Variants in PTPRK observed in about 807,000 individuals in gnomAD.
PTPRK encodes the protein protein tyrosine phosphatase receptor type K.
In PTPRK, 75 loss-of-function variants were observed where a neutral mutation model predicts 178.0. The observed-to-expected ratio is 0.42, with a 90% CI of 0.35 to 0.51. The LOEUF is 0.51. PTPRK is among the 20% of genes least tolerant of loss of function. The pLI, the probability that PTPRK is intolerant of heterozygous loss-of-function variation, is 0.02. For synonymous variants in PTPRK, 637 were observed against 620.6 expected (o/e 1.03, Z -0.39); for missense variants, 1,441 against 1,797.8 (o/e 0.80, Z 3.59).
At chr6:127,994,548 G>C (rs6899855) in intron 18 of PTPRK, among the ~76,000 whole-genome samples, 1,603 of 151,862 alleles carry the variant, frequency 0.011, 30 homozygotes, top group African/African-American at 0.036. Context: ...TACAGAGAGA[G>C]AAGTAACATT....
At chr6:128,059,434 G>A (rs998863804) in intron 13 of PTPRK, among the ~76,000 whole-genome samples, 18 of 152,198 alleles carry the variant, frequency 1.2e-4, no homozygotes, top group African/African-American at 4.1e-4. Context: ...TTTTGTTGCT[G>A]CTACACTATT....
intron 6 of PTPRK, among the ~76,000 whole-genome samples, chr6:128,197,904 T>C (rs79971620): frequency 0.028 from 4,337 of 152,212 alleles, 144 homozygotes; most frequent in African/African-American, 0.08. Flanking sequence ...ACAAGTATAG[T>C]GCAGAGAAAG....
intron 13 of PTPRK, among the ~76,000 whole-genome samples, chr6:128,039,742 A>AT (rs1776850025): frequency 6.6e-6 from 1 of 152,134 alleles, no homozygotes; most frequent in African/African-American, 2.4e-5. Context: ...GCCAATGTCT[A>AT]TTTTTATCCC....
intron 6 of PTPRK, among the ~76,000 whole-genome samples, chr6:128,214,400 T>G (rs1292548266): frequency 1.3e-5 from 2 of 152,124 alleles, no homozygotes; most frequent in African/African-American, 4.8e-5. Context: ...AAGTTGTACC[T>G]TCTCTTGACA....
intron 1 of PTPRK, among the ~76,000 whole-genome samples, chr6:128,419,235 C>T (rs1843177143): frequency 6.6e-6 from 1 of 152,170 alleles, no homozygotes; most frequent in Admixed American, 6.5e-5. Flanking sequence ...CTGTGCACTA[C>T]AGACCACGGA....
At chr6:128,141,090 T>G (rs1795706955) in intron 7 of PTPRK, among the ~76,000 whole-genome samples, 1 of 151,928 alleles carries the variant, frequency 6.6e-6, no homozygotes. Flanking sequence ...TGAGAAAAAT[T>G]TATGCACAGG....
chr6:128,120,649 A>G (rs995579528), intron 7 of PTPRK, among the ~76,000 whole-genome samples: 18 of 152,010 alleles, frequency 1.2e-4, no homozygotes, highest in African/African-American at 4.1e-4. Context: ...AGAAAAGTAT[A>G]ATATTCTTAA....
intron 3 of PTPRK, among the ~76,000 whole-genome samples, chr6:128,270,527 T>G (rs918795369): frequency 2.0e-5 from 3 of 152,142 alleles, no homozygotes; most frequent in African/African-American, 7.2e-5. Context: ...TTAGTACACA[T>G]TGAATATAAA....
intron 7 of PTPRK, among the ~76,000 whole-genome samples, chr6:128,164,740 T>A (rs971343302): frequency 6.6e-6 from 1 of 151,066 alleles, no homozygotes; most frequent in Admixed American, 6.6e-5. Flanking sequence ...ATTAAAAACA[T>A]TTAATAAATT....
chr6:128,125,602 C>CTTTTTT (rs869038931), intron 7 of PTPRK, among the ~76,000 whole-genome samples: 2 of 68,380 alleles, frequency 2.9e-5, no homozygotes, highest in African/African-American at 6.1e-5. Flanking sequence ...TTGGGCTTTT[C>CTTTTTT]TTTTTTTTTT....
intron 1 of PTPRK, among the ~76,000 whole-genome samples, chr6:128,461,272 C>A (rs1193750125): frequency 6.8e-6 from 1 of 147,968 alleles, no homozygotes; most frequent in Non-Finnish European, 1.5e-5. Flanking sequence ...TCCAGATGTC[C>A]TAATGAAAAG....
chr6:128,004,174 C>T (rs9482854), intron 15 of PTPRK, among the ~76,000 whole-genome samples: 190 of 151,808 alleles, frequency 1.3e-3, no homozygotes, highest in African/African-American at 4.3e-3. Flanking sequence ...CATATCTCTG[C>T]GATCTGAGCC....
At chr6:128,141,717 AG>A (rs1795798213) in intron 7 of PTPRK, among the ~76,000 whole-genome samples, 1 of 151,976 alleles carries the variant, frequency 6.6e-6, no homozygotes, top group South Asian at 2.1e-4. Context: ...TTTGATAGCA[AG>A]AGCATTTTAT....
At chr6:128,136,368 C>T (rs894092022) in intron 7 of PTPRK, among the ~76,000 whole-genome samples, 2 of 152,082 alleles carry the variant, frequency 1.3e-5, no homozygotes, top group Non-Finnish European at 2.9e-5. Flanking sequence ...CCCTGAGCTG[C>T]GCTATTTACT....
intron 13 of PTPRK, among the ~76,000 whole-genome samples, chr6:128,035,578 A>G (rs1355124753): frequency 6.6e-6 from 1 of 152,178 alleles, no homozygotes; most frequent in Non-Finnish European, 1.5e-5. Flanking sequence ...ACATATCTGT[A>G]TTCTATTTTA....
At chr6:128,228,988 C>G (rs1285516140) in intron 5 of PTPRK, among the ~76,000 whole-genome samples, 1 of 151,990 alleles carries the variant, frequency 6.6e-6, no homozygotes, top group Non-Finnish European at 1.5e-5. Flanking sequence ...ACTTAAGAAT[C>G]AAGGGCACAA....
chr6:128,451,749 T>C (rs1847824910), intron 1 of PTPRK, among the ~76,000 whole-genome samples: 1 of 152,164 alleles, frequency 6.6e-6, no homozygotes, highest in Admixed American at 6.6e-5. Context: ...ATTTCTTATA[T>C]GGTAAATATT....
rs746002316 is a variant in PTPRK, at chr6:127,996,921, C to G, written c.2747G>C (p.Arg916Pro). ...CTTACATGCTATAATGTTTCCATAT[C>G]GGTTTTTTGCTCTATTTTGATCTTT... is the stretch of plus-strand genomic sequence containing the variant. ...AKKDQNRAKNRYGNIIAYDHS... is the reference protein window; with the variant it reads ...AKKDQNRAKNPYGNIIAYDHS... The change falls in exon 17 of 30, where the codon CGA (arginine) becomes CCA (proline). Residue 916 changes from arginine (R) to proline (P), a missense_variant. This residue lies in a region of PTPRK where 945 missense variants were observed against 1,080.6 expected (regional missense o/e 0.87). Transcript: ENST00000368226. The G allele has an allele frequency of 6.2e-7, 1 of 1,610,966 alleles. No individual in the cohort carries two copies. Among genetic ancestry groups the G allele is most frequent in the Non-Finnish European group, 8.5e-7 (1 of 1,178,342 alleles).
intron 1 of PTPRK, among the ~76,000 whole-genome samples, chr6:128,398,562 CAAG>C (rs1276653303): frequency 6.6e-6 from 1 of 152,104 alleles, no homozygotes; most frequent in Non-Finnish European, 1.5e-5. Context: ...AATGCAAGTT[CAAG>C]AAGGTGAAAT....
Sources: gnomAD v4.1 joint callset for allele counts (sites outside exome capture counted in the v4.1 genomes callset) on GRCh38, gnomAD v4.1.1 for gene constraint, gnomAD v4.1.1 regional missense constraint, MANE v1.5 for transcripts, NCBI Gene and HGNC (gene_info 2026-07-23, HGNC 2026-07-21) for gene names.